Variants in TTF1 observed in about 807,000 individuals in gnomAD.
TTF1 encodes transcription termination factor 1.
In TTF1, 64 loss-of-function variants were observed where a neutral mutation model predicts 80.2. The observed-to-expected ratio is 0.80, with a 90% CI of 0.65 to 0.98. The LOEUF (loss-of-function observed/expected upper bound fraction) is 0.98. TTF1 is among the 50% of genes least tolerant of loss of function. The pLI is 0.00. For missense variants in TTF1, 1,023 were observed against 1,086.2 expected, an observed-to-expected ratio of 0.94 and a Z score of 0.82; for synonymous variants, 372 against 382.7, an observed-to-expected ratio of 0.97 and a Z score of 0.33.
In TTF1 at chr9:132,401,474, G is replaced by A. The variant is rs765553668; in HGVS notation, c.1348C>T (p.His450Tyr). 19 of 1,611,690 alleles carry A rather than the reference G, an allele frequency of 1.2e-5. No homozygotes were observed. In the East Asian group the frequency reaches 2.7e-4, roughly 23 times the overall value. Reference sequence around the variant, plus strand: ...CGTTACCTTGGCGCCTCTTGCACGTGCTTGCTTGCCAAACAGGCCTGGGTT... The same window carrying A: ...CGTTACCTTGGCGCCTCTTGCACGTACTTGCTTGCCAAACAGGCCTGGGTT... Reference protein sequence around the residue: ...KKTQACLASKHVQEAPRLEPA... With the variant: ...KKTQACLASKYVQEAPRLEPA... Residue 450 changes from histidine (H) to tyrosine (Y), a missense_variant, in exon 2 of 11, where the codon CAC (histidine) becomes TAC (tyrosine). His to Tyr is a moderately conservative substitution (Grantham distance 83). Transcript: ENST00000334270.
intron 3 of TTF1, among the ~76,000 whole-genome samples, chr9:132,398,701 TCTC>T (rs1220236380): frequency 6.6e-5 from 10 of 152,282 alleles, no homozygotes; most frequent in Middle Eastern, 6.8e-3. Flanking sequence ...CTCAAGTGAT[TCTC>T]CTGCCTCAGC....
rs12336746 is a variant in TTF1, at chr9:132,400,209, C to T, written c.1417G>A (p.Glu473Lys). ...GAATCTGCAGATAAGTATCTTATTT[C>T]GGAATCTTCAGCTGTTTCCACATTG... ...EHNVETAEDS[E>K]IRYLSADSGD... is the part of the protein sequence containing the mutation. Residue 473 changes from glutamate (E) to lysine (K), a missense_variant, in exon 3 of 11, where the codon GAA becomes AAA. Physicochemically the swap from Glu to Lys is moderately conservative, Grantham distance 56 (BLOSUM62 1). Transcript: ENST00000334270. 2,739 of 1,614,158 alleles carry T rather than the reference C, an allele frequency of 1.7e-3. 52 individuals are homozygous for T. The African/African-American group carries it at 0.032, about 19-fold the overall frequency.
chr9:132,378,117 GTGCA>G (rs1315625823), intron 10 of TTF1, among the ~76,000 whole-genome samples: 16 of 105,070 alleles, frequency 1.5e-4, no homozygotes, highest in South Asian at 3.1e-4. Context: ...GTGTGTGTGA[GTGCA>G]TGCATGTGGT....
intron 9 of TTF1, among the ~76,000 whole-genome samples, chr9:132,380,652 C>T (rs989053887): frequency 2.6e-5 from 4 of 152,226 alleles, no homozygotes; most frequent in Non-Finnish European, 5.9e-5. Flanking sequence ...GCAAGTGTTA[C>T]ACCTCATTAG....
At chr9:132,396,618 G>A (rs190176650) in intron 4 of TTF1, 107 bp from the exon 5 acceptor site, 49 of 854,782 alleles carry the variant, frequency 5.7e-5, no homozygotes, top group Middle Eastern at 2.2e-4. Flanking sequence ...CCTAAGCCCC[G>A]TGTTAAGGCT....
intron 2 of TTF1, among the ~76,000 whole-genome samples, chr9:132,400,984 C>T (rs764531257): frequency 6.6e-6 from 1 of 152,094 alleles, no homozygotes; most frequent in Non-Finnish European, 1.5e-5. Context: ...TAAAGATGTA[C>T]GATATTCTGT....
In TTF1 at chr9:132,403,416, C is replaced by A. The variant is rs369584214; in HGVS notation, c.-7-588G>T. ...CTCTGAACTCGTCTTTCCAACTCTGCGTTTAAGCCAAAAGCAGCTTGTTTT... is the reference window on the plus strand; with the variant it reads ...CTCTGAACTCGTCTTTCCAACTCTGAGTTTAAGCCAAAAGCAGCTTGTTTT... On this transcript the variant is annotated intron_variant, in intron 1 of 10. Transcript: ENST00000334270. 2.0e-4 allele frequency among the ~76,000 whole-genome samples: 30 copies of A among 152,200 alleles called. No homozygotes were observed. The East Asian group carries it at 5.6e-3, about 28-fold the overall frequency.
chr9:132,401,352 A>T, intron 2 of TTF1, 103 bp downstream of exon 2: 6 of 1,039,334 alleles, frequency 5.8e-6, no homozygotes, highest in Non-Finnish European at 7.5e-6. Context: ...AATAAATAAA[A>T]ATAAAATTAA....
intron 1 of TTF1, among the ~76,000 whole-genome samples, chr9:132,403,890 A>C (rs1849812860): frequency 2.0e-5 from 3 of 152,242 alleles, no homozygotes; most frequent in Non-Finnish European, 4.4e-5. Context: ...TGTCCAACAA[A>C]GAGCGGACGT....
chr9:132,392,326 C>T (rs1052307859), intron 5 of TTF1, 120 bp from the exon 6 acceptor site: 10 of 1,178,432 alleles, frequency 8.5e-6, no homozygotes, highest in East Asian at 2.6e-5. Context: ...TCAGGGAACC[C>T]GGTCACAGCC....
At chr9:132,379,629 G>A (rs568527548) in intron 9 of TTF1, among the ~76,000 whole-genome samples, 40 of 152,168 alleles carry the variant, frequency 2.6e-4, no homozygotes, top group Non-Finnish European at 4.9e-4. Context: ...CAGGGATAGA[G>A]CTGGGACTTC....
intron 10 of TTF1, among the ~76,000 whole-genome samples, chr9:132,378,091 G>GC (rs1319688561): frequency 1.9e-5 from 2 of 106,356 alleles, no homozygotes; most frequent in Non-Finnish European, 1.9e-5. Context: ...GAGTGCATGT[G>GC]GTGTGAGTGC....
Position 132,376,143 on chromosome 9 carries a change from C to A in TTF1, c.2490G>T (p.Thr830=). ...FPEIIDYLYE[T]TLPLLKEKLE... is the part of the protein sequence containing the mutation. Reference sequence around the variant, plus strand: ...ACTTTTCCTTCAGCAAAGGTAGAGTCGTCTCATAAAGGTAGTCGATGATCT... The same window carrying A: ...ACTTTTCCTTCAGCAAAGGTAGAGTAGTCTCATAAAGGTAGTCGATGATCT... Residue 830 remains threonine (T), a synonymous_variant, in exon 11 of 11, where the codon ACG becomes ACT. Transcript: ENST00000334270. 1 of 1,613,560 alleles carries A rather than the reference C, an allele frequency of 6.2e-7. No homozygotes were observed. The highest frequency in any genetic ancestry group is 1.1e-5 in the South Asian group (1 of 91,026).
chr9:132,377,426 A>G (rs1589813261), intron 10 of TTF1, among the ~76,000 whole-genome samples: 1 of 64,602 alleles, frequency 1.5e-5, no homozygotes, highest in Non-Finnish European at 2.8e-5. Context: ...GAGTGCATGC[A>G]TGTGGTGTGA....
chr9:132,380,409 A>C (rs1403445413), intron 9 of TTF1, among the ~76,000 whole-genome samples: 1 of 152,130 alleles, frequency 6.6e-6, no homozygotes, highest in Non-Finnish European at 1.5e-5. Context: ...CTGACAGCCT[A>C]TTAAACCATA....
chr9:132,396,953 T>G (rs1163327826), intron 4 of TTF1, among the ~76,000 whole-genome samples: 1 of 152,142 alleles, frequency 6.6e-6, no homozygotes, highest in Non-Finnish European at 1.5e-5. Flanking sequence ...CAGGCTGGTC[T>G]TGAACTCCTG....
chr9:132,377,131 C>A (rs1334039668), intron 10 of TTF1, among the ~76,000 whole-genome samples: 2 of 151,868 alleles, frequency 1.3e-5, no homozygotes, highest in African/African-American at 2.4e-5. Context: ...TGTGTACATG[C>A]ATGTGGTGTG....
Position 132,399,941 on chromosome 9 carries a change from G to T in TTF1, c.1591+94C>A, listed in dbSNP as rs906860409. On this transcript the variant is annotated intron_variant, in intron 3 of 10. Coordinates refer to ENST00000334270, the MANE Select transcript of TTF1 (RefSeq NM_007344.4). ...TGAAGGAGGAGAAAGAATGCTTCTT[G>T]TCGATCTATAAATCTGAATCATCCA... 4.6e-6 allele frequency: 6 copies of T among 1,308,734 alleles called. No homozygotes were observed. The African/African-American group carries it at 7.3e-5, about 16-fold the overall frequency. The allele number at this position is 1,308,734 out of a possible 1,614,324, so 81.1% of individuals were successfully genotyped here.
At chr9:132,382,761 C>CAAAAAAAAAAA (rs55904518) in intron 9 of TTF1, among the ~76,000 whole-genome samples, 3 of 136,936 alleles carry the variant, frequency 2.2e-5, no homozygotes, top group South Asian at 2.3e-4. Context: ...ACTAAAAATA[C>CAAAAAAAAAAA]AAAAAAAAAA....
Sources: gnomAD v4.1 joint callset for allele counts (sites outside exome capture counted in the v4.1 genomes callset) on GRCh38, gnomAD v4.1.1 for gene constraint, MANE v1.5 for transcripts, NCBI Gene and HGNC (gene_info 2026-07-23, HGNC 2026-07-21) for gene names.